The following ADAM7 variants were observed in gnomAD, a reference collection of about 807,000 sequenced individuals.
ADAM7 encodes disintegrin and metalloproteinase domain-containing protein 7.
Under a neutral mutation model 102.9 loss-of-function variants are expected in ADAM7, and 97 were observed. That is an observed-to-expected ratio of 0.94 (90% confidence interval 0.80 to 1.12). The LOEUF (loss-of-function observed/expected upper bound fraction) is 1.12. ADAM7 is among the 50% of genes most tolerant of loss of function. The pLI is 0.00. For synonymous variants in ADAM7, 334 were observed against 304.4 expected (o/e 1.10, Z -1.01); for missense variants, 991 against 908.7 (o/e 1.09, Z -1.16).
intron 7 of ADAM7, 25 bp downstream of exon 7, chr8:24,468,845 CTCTT>C (rs775312614): frequency 1.3e-6 from 2 of 1,587,952 alleles, no homozygotes; most frequent in African/African-American, 2.7e-5. Context: ...GAACATTTCT[CTCTT>C]TATTCTTCCT....
At chr8:24,506,170 C>G in intron 20 of ADAM7, 1 of 1,540,936 alleles carries the variant, frequency 6.5e-7, no homozygotes, top group Non-Finnish European at 8.8e-7. Context: ...CGTTCCCCTC[C>G]CCTTCCTCTT....
intron 10 of ADAM7, 95 bp downstream of exon 10, chr8:24,485,456 T>C (rs759683231): frequency 2.5e-5 from 25 of 994,482 alleles, no homozygotes; most frequent in Non-Finnish European, 3.8e-5. Flanking sequence ...ATGCATTTTG[T>C]CATATATACT....
chr8:24,457,605 T>C (rs954032425), intron 3 of ADAM7, among the ~76,000 whole-genome samples: 1 of 152,194 alleles, frequency 6.6e-6, no homozygotes, highest in African/African-American at 2.4e-5. Flanking sequence ...ATATAGTTCT[T>C]GTTATGTTTG....
At chr8:24,467,540 C>G in intron 6 of ADAM7, 1 of 153,990 alleles carries the variant, frequency 6.5e-6, no homozygotes, top group East Asian at 1.9e-4. Flanking sequence ...TGTTTTTCTT[C>G]TTCGTATGTC....
At chr8:24,491,808 C>T in intron 13 of ADAM7, 95 bp from the exon 14 acceptor site, 1 of 1,078,494 alleles carries the variant, frequency 9.3e-7, no homozygotes, top group South Asian at 1.9e-5. Context: ...TCCTTAAAAC[C>T]TTTTTTGGAT....
chr8:24,452,136 G>A (rs1258565966), intron 3 of ADAM7, among the ~76,000 whole-genome samples: 11 of 151,462 alleles, frequency 7.3e-5, no homozygotes, highest in Non-Finnish European at 1.5e-4. Flanking sequence ...GTTGATTTGG[G>A]GTGGAGAGTT....
At chr8:24,485,165 G>A in intron 9 of ADAM7, 112 bp from the exon 10 acceptor site, 2 of 926,270 alleles carry the variant, frequency 2.2e-6, no homozygotes, top group Non-Finnish European at 3.4e-6. Flanking sequence ...GAAATAAGAA[G>A]GCATTTTCAC....
At chr8:24,490,702 ACTCTAT>A (rs1473182435) in intron 12 of ADAM7, 91 bp from the exon 13 acceptor site, 10 of 1,193,570 alleles carry the variant, frequency 8.4e-6, no homozygotes, top group African/African-American at 6.1e-5. Context: ...TCACTATTTA[ACTCTAT>A]CAGAATCCAC....
rs554284059 is a variant in ADAM7 at position 24,501,911 on chromosome 8, G to A, written c.2208+335G>A. Among the ~76,000 whole-genome samples, 15 of 152,216 alleles carry A rather than the reference G, an allele frequency of 9.9e-5. No individual in the cohort carries two copies. The East Asian group carries it at 2.7e-3, about 27-fold the overall frequency. On this transcript the variant is annotated intron_variant, in intron 20 of 21. Transcript: ENST00000175238. ...GTTTTAACAAACTTAAAAGAACTGAGCTGGGCGCAGTGGCTCACGTCTGTA... is the reference window on the plus strand; with the variant it reads ...GTTTTAACAAACTTAAAAGAACTGAACTGGGCGCAGTGGCTCACGTCTGTA...
chr8:24,447,917 T>A (rs1461985099), intron 3 of ADAM7, among the ~76,000 whole-genome samples: 1 of 147,094 alleles, frequency 6.8e-6, no homozygotes, highest in African/African-American at 2.5e-5. Context: ...TTTGGTCTAT[T>A]AGCTAAAAGT....
At chr8:24,461,139 C>A (rs1242082759) in intron 3 of ADAM7, among the ~76,000 whole-genome samples, 3 of 152,158 alleles carry the variant, frequency 2.0e-5, no homozygotes, top group South Asian at 2.1e-4. Flanking sequence ...ACTACAGGCA[C>A]CCGCCACCAC....
At chr8:24,454,401 C>G (rs1818922232) in intron 3 of ADAM7, among the ~76,000 whole-genome samples, 1 of 152,202 alleles carries the variant, frequency 6.6e-6, no homozygotes, top group Non-Finnish European at 1.5e-5. Context: ...GCAGTTTGAT[C>G]TCAGACTGCT....
chr8:24,467,183 A>T (rs1819456300), intron 6 of ADAM7, 195 bp downstream of exon 6: 1 of 605,090 alleles, frequency 1.7e-6, no homozygotes, highest in South Asian at 2.1e-5. Context: ...TTGTTTAATC[A>T]GTTTCAAGAA....
At chr8:24,463,392 G>C (rs769130262) in intron 3 of ADAM7, among the ~76,000 whole-genome samples, 27 of 152,118 alleles carry the variant, frequency 1.8e-4, no homozygotes, top group Middle Eastern at 3.2e-3. Context: ...TCTTGCCATG[G>C]GGGAGAGAGA....
At chr8:24,473,768 T>C (rs886628093) in intron 7 of ADAM7, among the ~76,000 whole-genome samples, 4 of 152,178 alleles carry the variant, frequency 2.6e-5, no homozygotes, top group African/African-American at 9.7e-5. Context: ...CAAGCCAAGA[T>C]ATATCCATAA....
intron 16 of ADAM7, among the ~76,000 whole-genome samples, chr8:24,497,666 A>G (rs779555705): frequency 3.9e-5 from 6 of 152,184 alleles, no homozygotes; most frequent in Non-Finnish European, 7.4e-5. Context: ...AGTTAATGAA[A>G]TAATCACAAT....
At chr8:24,490,728 A>G (rs2242354) in intron 12 of ADAM7, 71 bp from the exon 13 acceptor site, 468,269 of 1,450,056 alleles carry the variant, frequency 0.32, 78,533 homozygotes, top group Admixed American at 0.42. Flanking sequence ...CAGAAGCACA[A>G]CTAATTAATT....
chr8:24,477,849 C>T (rs896309512), intron 8 of ADAM7, among the ~76,000 whole-genome samples: 2 of 151,806 alleles, frequency 1.3e-5, no homozygotes, highest in African/African-American at 2.4e-5. Context: ...TTTTGTTGGG[C>T]CAACAAGATT....
chr8:24,462,081 G>T lies in ADAM7; in HGVS notation c.234-1801G>T, dbSNP rs1819263349. 2.6e-5 allele frequency among the ~76,000 whole-genome samples: 4 copies of T among 152,136 alleles called. 1 individual carries two copies. The South Asian group carries it at 8.3e-4, about 32-fold the overall frequency. ...GAACAATCTGAATGTTGTGTGAAAT[G>T]GACTCCAAATTCTGTTACGTTCTGC... is the stretch of plus-strand genomic sequence containing the variant. On this transcript the variant is annotated intron_variant, in intron 3 of 21. Coordinates refer to ENST00000175238, the MANE Select transcript of ADAM7 (RefSeq NM_003817.4).
Sources: allele counts gnomAD v4.1 joint callset (sites outside exome capture counted in the v4.1 genomes callset), GRCh38; gene constraint gnomAD v4.1.1; transcripts MANE v1.5; gene names NCBI Gene and HGNC (gene_info 2026-07-23, HGNC 2026-07-21).